Variants in TNR observed in about 807,000 individuals in gnomAD.
TNR encodes tenascin R, also known as tenascin-R.
Under a neutral mutation model 150.4 loss-of-function variants are expected in TNR, and 45 were observed. That is an observed-to-expected ratio of 0.30 (90% CI 0.24 to 0.38). TNR has a LOEUF of 0.38. Ranked by LOEUF, TNR falls within the 10% of genes least tolerant of loss-of-function variation. The pLI is 1.00. For missense variants in TNR, 1,544 were observed against 1,759.1 expected (o/e 0.88, Z 2.19); for synonymous variants, 687 against 678.4 (o/e 1.01, Z -0.20).
intron 2 of TNR, among the ~76,000 whole-genome samples, chr1:175,503,534 A>T (rs1658825904): frequency 6.6e-6 from 1 of 152,148 alleles, no homozygotes; most frequent in Admixed American, 6.5e-5. Context: ...TGTCACCGGG[A>T]AACTGTAAAT....
rs1490284087 is a variant in TNR, at chr1:175,323,368, A to G, written c.4066T>C (p.Leu1356=). ...RLMAGRKRQS[L]QF Reference sequence around the variant, plus strand: ...CAGCCGCCCACTGCTCAGAACTGTAAGGACTGCCGTTTTCTCCCTGCCATG... The same window carrying G: ...CAGCCGCCCACTGCTCAGAACTGTAGGGACTGCCGTTTTCTCCCTGCCATG... Residue 1356 remains leucine (L), a synonymous_variant, in exon 23 of 23, where the codon TTA becomes CTA. Transcript: ENST00000367674. The G allele has an allele frequency of 6.2e-7, 1 of 1,614,152 alleles. No individual in the cohort carries two copies. Among genetic ancestry groups the G allele is most frequent in the Admixed American group, 1.7e-5 (1 of 60,024 alleles).
At chr1:175,494,587 A>G (rs1442181207) in intron 2 of TNR, among the ~76,000 whole-genome samples, 2 of 152,232 alleles carry the variant, frequency 1.3e-5, no homozygotes, top group African/African-American at 4.8e-5. Context: ...CTGTAGAACA[A>G]GCAGGTATCT....
rs139362829 is a variant in TNR, at chr1:175,361,261, C to T, written c.2854+1402G>A. Among the ~76,000 whole-genome samples, 10 of 152,256 alleles carry T rather than the reference C, an allele frequency of 6.6e-5. No homozygotes were observed. The East Asian group carries it at 1.9e-3, about 29-fold the overall frequency. On this transcript the variant is annotated intron_variant, in intron 14 of 22. Coordinates refer to ENST00000367674, the MANE Select transcript of TNR (RefSeq NM_003285.3). ...AGTTTTTGATTGAAGTTGCTGGTCTCTTTTATCTTGGGGATAGGAGGCTCT... is the reference window on the plus strand; with the variant it reads ...AGTTTTTGATTGAAGTTGCTGGTCTTTTTTATCTTGGGGATAGGAGGCTCT...
chr1:175,561,684 T>C (rs906336228), intron 1 of TNR, among the ~76,000 whole-genome samples: 2 of 152,174 alleles, frequency 1.3e-5, no homozygotes, highest in African/African-American at 4.8e-5. Flanking sequence ...TGTCCAGACC[T>C]TAAAGAGTCA....
chr1:175,581,202 G>T (rs555866974), intron 1 of TNR, among the ~76,000 whole-genome samples: 1 of 152,132 alleles, frequency 6.6e-6, no homozygotes, highest in Non-Finnish European at 1.5e-5. Flanking sequence ...AATGGGAACC[G>T]CTCATCCTTG....
At chr1:175,564,393 G>A (rs1387735721) in intron 1 of TNR, among the ~76,000 whole-genome samples, 1 of 152,198 alleles carries the variant, frequency 6.6e-6, no homozygotes. Flanking sequence ...TTTACAGGAT[G>A]GGAAAGAAAT....
intron 19 of TNR, 126 bp from the exon 20 acceptor site, chr1:175,335,933 A>G (rs1184085832): frequency 1.3e-6 from 1 of 785,378 alleles, no homozygotes; most frequent in African/African-American, 1.8e-5. Context: ...AATGACAAAG[A>G]TGTCCAAAGA....
chr1:175,384,493 T>C (rs1431528395), intron 8 of TNR, among the ~76,000 whole-genome samples: 1 of 152,226 alleles, frequency 6.6e-6, no homozygotes, highest in African/African-American at 2.4e-5. Context: ...AGAGTATTTT[T>C]CAGAAATAAA....
intron 2 of TNR, among the ~76,000 whole-genome samples, chr1:175,521,070 C>A (rs1042269969): frequency 7.2e-5 from 11 of 152,188 alleles, no homozygotes; most frequent in African/African-American, 2.4e-4. Context: ...AGTTTGTGTC[C>A]TTTTCTTAAA....
At chr1:175,389,605 C>T (rs1206734725) in intron 7 of TNR, among the ~76,000 whole-genome samples, 1 of 152,232 alleles carries the variant, frequency 6.6e-6, no homozygotes, top group African/African-American at 2.4e-5. Context: ...GACAATTTCC[C>T]CCAGGTCTTT....
At chr1:175,409,078 C>T (rs1295436658) in intron 2 of TNR, among the ~76,000 whole-genome samples, 1 of 152,168 alleles carries the variant, frequency 6.6e-6, no homozygotes, top group African/African-American at 2.4e-5. Flanking sequence ...GCTCTACTCG[C>T]CTTCTCACTT....
chr1:175,419,490 C>T (rs859474), intron 2 of TNR, among the ~76,000 whole-genome samples: 70,299 of 151,676 alleles, frequency 0.46, 17,184 homozygotes, highest in African/African-American at 0.62. Context: ...TTTCAGGGGG[C>T]TTGGGGTTTA....
At position 175,682,571 on chromosome 1, in the gene TNR, C is replaced by T. The variant is rs542157906; in HGVS notation, c.-165+60655G>A. On this transcript the variant is annotated intron_variant, in intron 1 of 22. Transcript: ENST00000367674. ...TCTTCTGCCCTTGTGGGATGGAATGCTGGGCTCAGCTGAGACCATCCTTAT... is the reference window on the plus strand; with the variant it reads ...TCTTCTGCCCTTGTGGGATGGAATGTTGGGCTCAGCTGAGACCATCCTTAT... Among the ~76,000 whole-genome samples the T allele has an allele frequency of 1.1e-4, 17 of 152,302 alleles. No homozygotes were observed. In the South Asian group the frequency reaches 3.5e-3, roughly 32 times the overall value.
intron 1 of TNR, among the ~76,000 whole-genome samples, chr1:175,585,472 T>A (rs1322154466): frequency 2.6e-5 from 4 of 152,178 alleles, no homozygotes; most frequent in Non-Finnish European, 4.4e-5. Flanking sequence ...CTACTATTAT[T>A]CCCATTTTAT....
intron 1 of TNR, among the ~76,000 whole-genome samples, chr1:175,728,516 C>A (rs763218498): frequency 2.6e-5 from 4 of 152,194 alleles, no homozygotes; most frequent in Admixed American, 2.6e-4. Flanking sequence ...TCTGCTGAAG[C>A]CTCATCACCC....
At chr1:175,568,866 A>G (rs532616453) in intron 1 of TNR, among the ~76,000 whole-genome samples, 1 of 152,218 alleles carries the variant, frequency 6.6e-6, no homozygotes, top group Admixed American at 6.5e-5. Flanking sequence ...TGCAGACTGC[A>G]TTGAAAAGGA....
intron 1 of TNR, among the ~76,000 whole-genome samples, chr1:175,653,212 G>A (rs1665055799): frequency 6.6e-6 from 1 of 152,198 alleles, no homozygotes. Flanking sequence ...ATTTGCCATA[G>A]CTTTGTTTGT....
intron 1 of TNR, among the ~76,000 whole-genome samples, chr1:175,741,756 C>A (rs986673429): frequency 6.6e-6 from 1 of 152,184 alleles, no homozygotes; most frequent in African/African-American, 2.4e-5. Flanking sequence ...GCTCCCCAGC[C>A]AGAGGCAGAG....
chr1:175,726,228 T>A (rs889925327), intron 1 of TNR, among the ~76,000 whole-genome samples: 1 of 152,148 alleles, frequency 6.6e-6, no homozygotes, highest in Non-Finnish European at 1.5e-5. Context: ...CCAACACCCA[T>A]CAACTAATCA....
Sources: allele counts gnomAD v4.1 joint callset (sites outside exome capture counted in the v4.1 genomes callset), GRCh38; gene constraint gnomAD v4.1.1; transcripts MANE v1.5; gene names NCBI Gene and HGNC (gene_info 2026-07-23, HGNC 2026-07-21).